DPH5: variants seen among roughly 807,000 people sequenced by gnomAD.
DPH5 encodes diphthamide biosynthesis 5, also known as diphthine methyl ester synthase.
A neutral mutation model predicts 31.6 loss-of-function variants in DPH5; 31 were observed. The ratio of observed to expected loss-of-function variants is 0.98; its 90% CI spans 0.74 to 1.32. The LOEUF is 1.32. Among genes scored for constraint, DPH5 ranks in the 40% most tolerant of loss-of-function variants. The pLI is 0.00. For missense variants in DPH5, 309 were observed against 335.7 expected, an observed-to-expected ratio of 0.92 and a Z score of 0.62; for synonymous variants, 120 against 115.0, an observed-to-expected ratio of 1.04 and a Z score of -0.28.
rs1223943690 is a variant in DPH5 at position 101,001,460 on chromosome 1, C to A, written c.490+7G>T. 6.2e-7 allele frequency: 1 copy of A among 1,608,796 alleles called. No individual in the cohort carries two copies. The highest frequency in any genetic ancestry group is 8.5e-7 in the Non-Finnish European group (1 of 1,178,388). The stretch of plus-strand genomic sequence containing the variant: ...TTGTTACTTCAAGGAAATTCCAAAA[C>A]CCTTACCTAGTAAACATAATGTGTG... On this transcript the variant is annotated splice_region_variant and intron_variant, in intron 5 of 7. Transcript: ENST00000370109.
chr1:101,020,894 T>C (rs1216479255), intron 3 of DPH5, among the ~76,000 whole-genome samples: 2 of 152,220 alleles, frequency 1.3e-5, no homozygotes, highest in African/African-American at 4.8e-5. Context: ...GACCTTTTAA[T>C]GCTAATCAGA....
At chr1:100,993,559 A>AATATATATGT (rs1658005116) in intron 6 of DPH5, among the ~76,000 whole-genome samples, 3 of 56,546 alleles carry the variant, frequency 5.3e-5, no homozygotes, top group African/African-American at 1.9e-4. Flanking sequence ...CGAAAATATA[A>AATATATATGT]ATATATATAT....
At chr1:100,992,597 C>G (rs1307895111) in intron 7 of DPH5, 40 bp downstream of exon 7, 1 of 1,427,318 alleles carries the variant, frequency 7.0e-7, no homozygotes, top group Non-Finnish European at 9.9e-7. Context: ...AATGTAGTAA[C>G]AGAGGAATAA....
At chr1:101,021,619 C>G in intron 3 of DPH5, 22 bp downstream of exon 3, 1 of 1,592,232 alleles carries the variant, frequency 6.3e-7, no homozygotes, top group Non-Finnish European at 8.6e-7. Context: ...GTTAAAAACT[C>G]AAAATATCTG....
At chr1:101,021,219 T>C (rs374380880) in intron 3 of DPH5, among the ~76,000 whole-genome samples, 7 of 152,172 alleles carry the variant, frequency 4.6e-5, no homozygotes, top group African/African-American at 1.7e-4. Flanking sequence ...TATTGCCAAA[T>C]AGTAGATGAT....
chr1:100,998,701 G>A (rs1270698775), intron 5 of DPH5, among the ~76,000 whole-genome samples: 1 of 152,156 alleles, frequency 6.6e-6, no homozygotes, highest in Non-Finnish European at 1.5e-5. Context: ...ACATTAGGAA[G>A]AGAATAATGA....
At chr1:101,019,134 A>G (rs1558051119) in intron 3 of DPH5, among the ~76,000 whole-genome samples, 1 of 152,206 alleles carries the variant, frequency 6.6e-6, no homozygotes, top group African/African-American at 2.4e-5. Context: ...TTTAATAAAG[A>G]CTTCTTATGC....
intron 4 of DPH5, among the ~76,000 whole-genome samples, chr1:101,012,612 G>A (rs376805399): frequency 1.3e-5 from 2 of 152,190 alleles, no homozygotes; most frequent in East Asian, 3.9e-4. Flanking sequence ...TGTTCAGAAG[G>A]GTTTCAAAAT....
chr1:100,991,221 A>G (rs1570636907), intron 7 of DPH5, among the ~76,000 whole-genome samples: 1 of 152,222 alleles, frequency 6.6e-6, no homozygotes, highest in Non-Finnish European at 1.5e-5. Flanking sequence ...GGCACTATTT[A>G]TGTTTTTCAG....
intron 3 of DPH5, among the ~76,000 whole-genome samples, chr1:101,019,435 A>G (rs2101289956): frequency 6.6e-6 from 1 of 152,254 alleles, no homozygotes; most frequent in African/African-American, 2.4e-5. Flanking sequence ...GGTTAAAATG[A>G]CACATTTTGT....
chr1:101,021,923 A>T (rs1660489746), intron 2 of DPH5, among the ~76,000 whole-genome samples, 158 bp from the exon 3 acceptor site: 3 of 151,994 alleles, frequency 2.0e-5, no homozygotes, highest in African/African-American at 7.3e-5. Context: ...AATACAACTC[A>T]TCAGTAAGCC....
chr1:101,006,707 A>G (rs1659256886), intron 4 of DPH5, among the ~76,000 whole-genome samples: 1 of 152,216 alleles, frequency 6.6e-6, no homozygotes. Flanking sequence ...AAGGTCGACA[A>G]TGCTGACTAT....
intron 3 of DPH5, among the ~76,000 whole-genome samples, chr1:101,017,295 TGA>T (rs1660151271): frequency 6.6e-6 from 1 of 152,204 alleles, no homozygotes; most frequent in East Asian, 1.9e-4. Flanking sequence ...AGTCTTTATA[TGA>T]GAGTCCTATC....
At chr1:101,000,668 AGT>A (rs1220160747) in intron 5 of DPH5, among the ~76,000 whole-genome samples, 1 of 152,220 alleles carries the variant, frequency 6.6e-6, no homozygotes, top group Non-Finnish European at 1.5e-5. Flanking sequence ...CAAAAATGTC[AGT>A]TAGCTGTGTT....
intron 2 of DPH5, chr1:101,025,017 T>G (rs1570717330): frequency 6.8e-6 from 2 of 292,232 alleles, no homozygotes; most frequent in East Asian, 1.6e-4. Context: ...GACTACCTCA[T>G]GAAATAAGGG....
rs1382472054 is a variant in DPH5 at position 101,021,647 on chromosome 1, G to A, written c.254C>T (p.Pro85Leu). Residue 85 changes from proline to leucine, a missense_variant, in exon 3 of 8, where the codon CCA becomes CTA. By Grantham distance (98) the Pro-to-Leu change is moderately conservative. Transcript: ENST00000370109. Reference sequence around the variant, plus strand: ...AATATCTGCCTTGACTTACCCAAATGGATCACCAACCACAAGGAATGCAAC... The same window carrying A: ...AATATCTGCCTTGACTTACCCAAATAGATCACCAACCACAAGGAATGCAAC... ...SDVAFLVVGDPFGATTHSDLV... is the reference protein window; with the variant it reads ...SDVAFLVVGDLFGATTHSDLV... 1.9e-6 allele frequency: 3 copies of A among 1,611,684 alleles called. No homozygotes were observed. The highest frequency in any genetic ancestry group is 2.5e-6 in the Non-Finnish European group (3 of 1,178,602).
rs538075064 is a variant in DPH5 at position 101,025,763 on chromosome 1, G to A, written c.-104C>T. 4.0e-5 allele frequency: 12 copies of A among 300,998 alleles called. No homozygotes were observed. The highest frequency in any genetic ancestry group is 3.7e-4 in the South Asian group (10 of 27,090). 18.6% of individuals were successfully genotyped at this position (300,998 alleles called of 1,614,324 possible). On this transcript the variant is annotated 5_prime_UTR_variant, in exon 1 of 8. Coordinates refer to ENST00000370109, the MANE Select transcript of DPH5 (RefSeq NM_015958.3). ...TTTCCGCAGAAGCAACTGCAAAAGC[G>A]CCGGCTCCGTGCAGAGAAAAGGCCC...
chr1:101,017,121 A>G (rs1422965475), intron 3 of DPH5, among the ~76,000 whole-genome samples: 1 of 152,242 alleles, frequency 6.6e-6, no homozygotes, highest in East Asian at 1.9e-4. Flanking sequence ...AGAGACAGGA[A>G]GTGAGAACAT....
At chr1:100,992,851 T>A in intron 6 of DPH5, 111 bp from the exon 7 acceptor site, 1 of 646,310 alleles carries the variant, frequency 1.5e-6, no homozygotes, top group Non-Finnish European at 2.7e-6. Context: ...TACATTCTGT[T>A]TGATGTTTTT....
Sources: gnomAD v4.1 joint callset for allele counts (sites outside exome capture counted in the v4.1 genomes callset) on GRCh38, gnomAD v4.1.1 for gene constraint, MANE v1.5 for transcripts, NCBI Gene and HGNC (gene_info 2026-07-23, HGNC 2026-07-21) for gene names.